Variants in ABHD2 observed in about 807,000 individuals in gnomAD.
ABHD2 encodes abhydrolase domain containing 2, acylglycerol lipase, also known as monoacylglycerol lipase ABHD2.
A neutral mutation model predicts 48.1 loss-of-function variants in ABHD2; 20 were observed. The ratio of observed to expected loss-of-function variants is 0.42; its 90% CI spans 0.29 to 0.60. The LOEUF (loss-of-function observed/expected upper bound fraction) is 0.60. Ranked by LOEUF, ABHD2 falls within the 20% of genes least tolerant of loss-of-function variation. The pLI, the probability that ABHD2 is intolerant of heterozygous loss-of-function variation, is 0.24. For synonymous variants in ABHD2, 209 were observed against 214.2 expected (o/e 0.98, Z 0.21); for missense variants, 405 against 550.9 (o/e 0.74, Z 2.65).
In ABHD2 at chr15:89,114,912, G is replaced by A. The variant is rs1343345350; in HGVS notation, c.-7+1088G>A. On this transcript the variant is annotated intron_variant, in intron 2 of 10. Transcript: ENST00000352732. The surrounding 1 kb of genome is among the most constrained non-coding windows in gnomAD (Gnocchi z 4.2). ...AAAATCCTTGTCTTGCCCTGATGGTGGAAGACTAGTTACGGAGCTGTGATC... is the reference window on the plus strand; with the variant it reads ...AAAATCCTTGTCTTGCCCTGATGGTAGAAGACTAGTTACGGAGCTGTGATC... Among the ~76,000 whole-genome samples the A allele has an allele frequency of 6.6e-6, 1 of 152,202 alleles. No homozygotes were observed. Among genetic ancestry groups the A allele is most frequent in the Non-Finnish European group, 1.5e-5 (1 of 68,022 alleles).
chr15:89,119,039 C>T (rs1037395712), intron 3 of ABHD2, among the ~76,000 whole-genome samples: 18 of 152,114 alleles, frequency 1.2e-4, no homozygotes, highest in African/African-American at 4.3e-4. Flanking sequence ...CAGCATGGAG[C>T]CCCCTGGTCA....
At chr15:89,141,154 A>T (rs1452662139) in intron 3 of ABHD2, among the ~76,000 whole-genome samples, 3 of 151,588 alleles carry the variant, frequency 2.0e-5, no homozygotes, top group Non-Finnish European at 2.9e-5. Flanking sequence ...TTAATTAATT[A>T]ATTTTTTGGT....
the ABHD2 span, among the ~76,000 whole-genome samples, chr15:89,044,120 T>C: frequency 6.6e-6 from 1 of 152,190 alleles, no homozygotes; most frequent in African/African-American, 2.4e-5. Flanking sequence ...GTTCTCATTG[T>C]TCAATTCCCA....
chr15:89,169,878 C>G (rs1236749138), intron 5 of ABHD2, among the ~76,000 whole-genome samples: 1 of 151,970 alleles, frequency 6.6e-6, no homozygotes, highest in Admixed American at 6.6e-5. Context: ...GAAACTAGAT[C>G]TTTTTCCTAC....
intron 1 of ABHD2, among the ~76,000 whole-genome samples, chr15:89,101,830 A>G (rs888756582): frequency 1.3e-5 from 2 of 152,230 alleles, no homozygotes; most frequent in Non-Finnish European, 2.9e-5. Flanking sequence ...GATGCCATCA[A>G]GGGCTTGCAG....
intron 10 of ABHD2, among the ~76,000 whole-genome samples, chr15:89,194,647 G>A (rs1253720446): frequency 2.0e-5 from 3 of 152,078 alleles, no homozygotes; most frequent in African/African-American, 4.8e-5. Flanking sequence ...GCCATGAATC[G>A]CTACTCAGAG....
At position 89,088,877 on chromosome 15, in the gene ABHD2, G is replaced by A. The variant is rs1292691730; in HGVS notation, c.-107+314G>A. Among the ~76,000 whole-genome samples, 1 of 152,228 alleles carries A rather than the reference G, an allele frequency of 6.6e-6. No individual in the cohort carries two copies. Among genetic ancestry groups the A allele is most frequent in the African/African-American group, 2.4e-5 (1 of 41,478 alleles). On this transcript the variant is annotated intron_variant, in intron 1 of 10. Transcript: ENST00000352732. This position sits in a 1 kb window ranked among gnomAD's most constrained non-coding sequence, Gnocchi z 6.8. The stretch of plus-strand genomic sequence containing the variant: ...TGGTGCTCACTCCTGGGTCTTCAGG[G>A]GCCTGGGGAGGGGTCTGCCGGTTCA...
Position 89,182,344 on chromosome 15 carries a change from G to C in ABHD2, c.723-3080G>C, listed in dbSNP as rs763510260. 6.6e-6 allele frequency among the ~76,000 whole-genome samples: 1 copy of C among 152,082 alleles called. No individual in the cohort carries two copies. The highest frequency in any genetic ancestry group is 6.6e-5 in the Admixed American group (1 of 15,260). ...CCATTCCCTCCCTGTAATTCTGCCC[G>C]AGCTGCCCCTCCCAGGGTTCCACAC... On this transcript the variant is annotated intron_variant, in intron 6 of 10. Coordinates refer to ENST00000352732, the MANE Select transcript of ABHD2 (RefSeq NM_152924.5). This position sits in a 1 kb window ranked among gnomAD's most constrained non-coding sequence, Gnocchi z 4.8.
At chr15:89,130,809 T>C (rs779878605) in intron 3 of ABHD2, among the ~76,000 whole-genome samples, 9 of 152,234 alleles carry the variant, frequency 5.9e-5, no homozygotes, top group Non-Finnish European at 1.2e-4. Flanking sequence ...GTATTTTATG[T>C]GTGGCCCAAG....
At chr15:89,056,604 C>G in the ABHD2 span, among the ~76,000 whole-genome samples, 3 of 152,064 alleles carry the variant, frequency 2.0e-5, no homozygotes, top group Non-Finnish European at 4.4e-5. Flanking sequence ...GTTCGCACCA[C>G]TGCACTCCAG....
In ABHD2 at chr15:89,114,077, C is replaced by T. The variant is rs190838380; in HGVS notation, c.-7+253C>T. Among the ~76,000 whole-genome samples the T allele has an allele frequency of 4.0e-4, 61 of 152,270 alleles. No individual in the cohort carries two copies. The highest frequency in any genetic ancestry group is 1.4e-3 in the African/African-American group (59 of 41,552). ...TTTCTGGTGGATTTTAGTTTTGGTC[C>T]TCTAATAGAATGTGGAGACTTAAAA... On this transcript the variant is annotated intron_variant, in intron 2 of 10. Coordinates refer to ENST00000352732, the MANE Select transcript of ABHD2 (RefSeq NM_152924.5). The surrounding 1 kb of genome is among the most constrained non-coding windows in gnomAD (Gnocchi z 4.2).
chr15:89,136,493 C>T (rs1375901669), intron 3 of ABHD2: 1 of 398,914 alleles, frequency 2.5e-6, no homozygotes, highest in South Asian at 1.9e-5. Flanking sequence ...CTCCTTTGCC[C>T]ATGTTTAGTT....
Position 89,116,037 on chromosome 15 carries a change from T to G in ABHD2, c.-6-285T>G, listed in dbSNP as rs1408438026. On this transcript the variant is annotated intron_variant, in intron 2 of 10. Coordinates refer to ENST00000352732, the MANE Select transcript of ABHD2 (RefSeq NM_152924.5). The surrounding 1 kb of genome is among the most constrained non-coding windows in gnomAD (Gnocchi z 4.6). ...TAAAGGACACTATTCTTAGCATTTT[T>G]CAATTTTCTGATTTGCTCATCTTAG... 6.6e-6 allele frequency among the ~76,000 whole-genome samples: 1 copy of G among 152,266 alleles called. No homozygotes were observed. The highest frequency in any genetic ancestry group is 1.5e-5 in the Non-Finnish European group (1 of 68,042).
intron 3 of ABHD2, among the ~76,000 whole-genome samples, chr15:89,134,378 C>T (rs150291209): frequency 6.6e-5 from 10 of 152,140 alleles, no homozygotes; most frequent in African/African-American, 2.4e-4. Flanking sequence ...ACACTTTGTC[C>T]AACACTATTA....
chr15:89,183,625 T>A (rs763420338), intron 6 of ABHD2, among the ~76,000 whole-genome samples: 4 of 151,642 alleles, frequency 2.6e-5, no homozygotes, highest in Non-Finnish European at 5.9e-5. Context: ...GAGCCCTGGG[T>A]CCCTGTGAAT....
the ABHD2 span, among the ~76,000 whole-genome samples, chr15:89,071,407 GC>G: frequency 6.6e-6 from 1 of 152,004 alleles, no homozygotes; most frequent in African/African-American, 2.4e-5. Context: ...GGCAACAAGA[GC>G]AAAACCCCGT....
the ABHD2 span, among the ~76,000 whole-genome samples, chr15:89,064,322 C>T: frequency 2.7e-5 from 4 of 149,154 alleles, no homozygotes; most frequent in East Asian, 2.0e-4. Context: ...CGGGTTTAAG[C>T]GATTCTCCTG....
rs1244427780 is a variant in ABHD2 at position 89,114,922 on chromosome 15, T to C, written c.-7+1098T>C. ...TCTTGCCCTGATGGTGGAAGACTAG[T>C]TACGGAGCTGTGATCTTTTACTTCC... On this transcript the variant is annotated intron_variant, in intron 2 of 10. Coordinates refer to ENST00000352732, the MANE Select transcript of ABHD2 (RefSeq NM_152924.5). The surrounding 1 kb of genome is among the most constrained non-coding windows in gnomAD (Gnocchi z 4.2). Among the ~76,000 whole-genome samples, 1 of 152,248 alleles carries C rather than the reference T, an allele frequency of 6.6e-6. No individual in the cohort carries two copies. The highest frequency in any genetic ancestry group is 1.5e-5 in the Non-Finnish European group (1 of 68,024).
chr15:89,147,018 A>C (rs892300298), intron 3 of ABHD2, among the ~76,000 whole-genome samples: 1 of 152,226 alleles, frequency 6.6e-6, no homozygotes, highest in South Asian at 2.1e-4. Context: ...CTATCAAAGT[A>C]TCTCATAAAG....
Sources: allele counts gnomAD v4.1 joint callset (sites outside exome capture counted in the v4.1 genomes callset), GRCh38; gene constraint gnomAD v4.1.1; non-coding constraint Gnocchi (gnomAD v3.1); transcripts MANE v1.5; gene names NCBI Gene and HGNC (gene_info 2026-07-23, HGNC 2026-07-21).